The following GALNTL6 variants were observed in gnomAD, a reference collection of about 807,000 sequenced individuals.
The protein encoded by GALNTL6 is polypeptide N-acetylgalactosaminyltransferase-like 6.
A neutral mutation model predicts 73.7 loss-of-function variants in GALNTL6; 46 were observed. The ratio of observed to expected loss-of-function variants is 0.62; its 90% CI spans 0.49 to 0.80. The LOEUF is 0.80. GALNTL6 is among the 30% of genes least tolerant of loss of function. The pLI is 0.00. For missense variants in GALNTL6, 604 were observed against 755.0 expected, an observed-to-expected ratio of 0.80 and a Z score of 2.34; for synonymous variants, 259 against 263.7, an observed-to-expected ratio of 0.98 and a Z score of 0.17.
chr4:172,921,893 T>C (rs1376371442), intron 8 of GALNTL6, among the ~76,000 whole-genome samples: 1 of 152,056 alleles, frequency 6.6e-6, no homozygotes, highest in Non-Finnish European at 1.5e-5. Context: ...AGACACATTA[T>C]TTGCAAATGT....
intron 5 of GALNTL6, among the ~76,000 whole-genome samples, chr4:172,501,536 C>T (rs926369078): frequency 1.3e-5 from 2 of 152,030 alleles, no homozygotes; most frequent in Non-Finnish European, 2.9e-5. Context: ...CATCATCAGT[C>T]AGAATGAGAG....
chr4:172,834,630 T>G (rs1742812783), intron 7 of GALNTL6, among the ~76,000 whole-genome samples: 1 of 152,214 alleles, frequency 6.6e-6, no homozygotes, highest in East Asian at 1.9e-4. Flanking sequence ...ACATCAATCA[T>G]GTCAGGGTGG....
At chr4:172,982,926 A>T (rs1288465592) in intron 10 of GALNTL6, among the ~76,000 whole-genome samples, 1 of 152,174 alleles carries the variant, frequency 6.6e-6, no homozygotes, top group East Asian at 1.9e-4. Flanking sequence ...GTAGGTGCTA[A>T]AAAATGTATA....
At chr4:172,527,047 T>C (rs1418656743) in intron 5 of GALNTL6, among the ~76,000 whole-genome samples, 1 of 152,206 alleles carries the variant, frequency 6.6e-6, no homozygotes, top group Non-Finnish European at 1.5e-5. Context: ...TTTTGATGGA[T>C]ATCTAGCCCT....
At chr4:173,021,414 C>G in intron 11 of GALNTL6, 62 bp from the exon 12 acceptor site, 1 of 1,546,150 alleles carries the variant, frequency 6.5e-7, no homozygotes, top group Non-Finnish European at 8.9e-7. Context: ...CCTTCCCCCG[C>G]CCTTGCATCT....
At chr4:172,703,682 G>A (rs1277276282) in intron 5 of GALNTL6, among the ~76,000 whole-genome samples, 2 of 151,848 alleles carry the variant, frequency 1.3e-5, no homozygotes, top group African/African-American at 4.8e-5. Flanking sequence ...GTGTGGTGTT[G>A]GCATTAGGGT....
intron 5 of GALNTL6, among the ~76,000 whole-genome samples, chr4:172,642,820 CATAA>C (rs949301014): frequency 4.6e-5 from 7 of 151,574 alleles, no homozygotes; most frequent in African/African-American, 1.7e-4. Flanking sequence ...TTATATACAC[CATAA>C]ATATATTCCA....
At chr4:171,947,277 G>A (rs1042478748) in intron 2 of GALNTL6, among the ~76,000 whole-genome samples, 2 of 151,674 alleles carry the variant, frequency 1.3e-5, no homozygotes, top group South Asian at 2.1e-4. Context: ...AAAATTTCAC[G>A]TCTACTCCAA....
chr4:171,879,660 G>T (rs568391999), intron 2 of GALNTL6, among the ~76,000 whole-genome samples: 1 of 152,116 alleles, frequency 6.6e-6, no homozygotes, highest in African/African-American at 2.4e-5. Flanking sequence ...TTAAAAAAAT[G>T]TGCTTCACAG....
intron 8 of GALNTL6, among the ~76,000 whole-genome samples, chr4:172,918,060 T>G (rs1747615588): frequency 6.6e-6 from 1 of 152,198 alleles, no homozygotes; most frequent in South Asian, 2.1e-4. Context: ...CATGGAATAC[T>G]ATGCAGCCAT....
chr4:172,962,064 C>T lies in GALNTL6; in HGVS notation c.1371+9806C>T, dbSNP rs139746395. On this transcript the variant is annotated intron_variant, in intron 10 of 12. Coordinates refer to ENST00000506823, the MANE Select transcript of GALNTL6 (RefSeq NM_001034845.3). ...TGGGTAGGTAAAGGAAAATTACAGT[C>T]AAAGGGGAGGGTTGTTCTCTGGCTG... Among the ~76,000 whole-genome samples the T allele has an allele frequency of 4.4e-3, 666 of 152,122 alleles. 5 individuals are homozygous for T. Among genetic ancestry groups the T allele is most frequent in the African/African-American group, 0.015 (626 of 41,462 alleles).
intron 2 of GALNTL6, among the ~76,000 whole-genome samples, chr4:171,904,339 TGAA>T (rs535591767): frequency 0.014 from 2,162 of 151,814 alleles, 46 homozygotes; most frequent in African/African-American, 0.049. Flanking sequence ...GAGAACTACA[TGAA>T]GAATGCAGAA....
chr4:171,875,739 A>G (rs923252454), intron 2 of GALNTL6, among the ~76,000 whole-genome samples: 4 of 150,208 alleles, frequency 2.7e-5, no homozygotes, highest in African/African-American at 9.8e-5. Flanking sequence ...TGCTTTCTGC[A>G]TAGGAATTTT....
At chr4:172,522,048 A>G (rs913084243) in intron 5 of GALNTL6, among the ~76,000 whole-genome samples, 1 of 152,200 alleles carries the variant, frequency 6.6e-6, no homozygotes, top group Non-Finnish European at 1.5e-5. Flanking sequence ...GATAATTTAT[A>G]TAAGCAGTTG....
At chr4:172,040,204 C>A (rs538446251) in intron 2 of GALNTL6, among the ~76,000 whole-genome samples, 2 of 111,754 alleles carry the variant, frequency 1.8e-5, no homozygotes, top group East Asian at 6.4e-4. Context: ...TTCTGGATCA[C>A]GCTATGAAAG....
intron 2 of GALNTL6, among the ~76,000 whole-genome samples, chr4:171,831,706 T>A (rs1237554442): frequency 6.6e-6 from 1 of 151,830 alleles, no homozygotes; most frequent in Non-Finnish European, 1.5e-5. Flanking sequence ...TCCTTAATGT[T>A]ACCAGCTCAA....
chr4:172,606,546 A>AGT (rs1264880921), intron 5 of GALNTL6, among the ~76,000 whole-genome samples: 2 of 126,160 alleles, frequency 1.6e-5, no homozygotes, highest in Non-Finnish European at 3.3e-5. Flanking sequence ...ATAAGAAGGA[A>AGT]GTGTATATAT....
At chr4:172,065,558 GA>G (rs947347588) in intron 2 of GALNTL6, among the ~76,000 whole-genome samples, 19 of 149,222 alleles carry the variant, frequency 1.3e-4, no homozygotes, top group African/African-American at 2.7e-4. Context: ...ACTGAACTTT[GA>G]AAAAAAAAGA....
At chr4:172,520,895 T>C (rs1486484971) in intron 5 of GALNTL6, among the ~76,000 whole-genome samples, 1 of 152,042 alleles carries the variant, frequency 6.6e-6, no homozygotes, top group Non-Finnish European at 1.5e-5. Flanking sequence ...AAACACACAC[T>C]AAAGCAGCAA....
Sources: gnomAD v4.1 joint callset for allele counts (sites outside exome capture counted in the v4.1 genomes callset) on GRCh38, gnomAD v4.1.1 for gene constraint, MANE v1.5 for transcripts, NCBI Gene and HGNC (gene_info 2026-07-23, HGNC 2026-07-21) for gene names.